The following NR3C2 variants were observed in gnomAD, a reference collection of about 807,000 sequenced individuals.
NR3C2 encodes the protein mineralocorticoid receptor.
NR3C2 carries 15 observed loss-of-function variants against 86.4 expected under a neutral mutation model. The observed-to-expected ratio is 0.17, with a 90% CI of 0.12 to 0.27. The LOEUF (loss-of-function observed/expected upper bound fraction) is 0.27, where lower values mean the gene tolerates loss of function less well. Ranked by LOEUF, NR3C2 falls within the 10% of genes least tolerant of loss-of-function variation. The pLI, the probability that NR3C2 is intolerant of heterozygous loss-of-function variation, is 1.00. For missense variants in NR3C2, 960 were observed against 1,195.6 expected (o/e 0.80, Z 2.91); for synonymous variants, 458 against 450.5 (o/e 1.02, Z -0.21).
chr4:148,384,089 C>T (rs72656876), intron 2 of NR3C2, among the ~76,000 whole-genome samples: 31 of 151,838 alleles, frequency 2.0e-4, no homozygotes, highest in African/African-American at 7.2e-4. Flanking sequence ...AAAAACAATA[C>T]ATTTTATGTA....
At chr4:148,392,591 C>G (rs1025107485) in intron 2 of NR3C2, among the ~76,000 whole-genome samples, 1 of 152,186 alleles carries the variant, frequency 6.6e-6, no homozygotes, top group South Asian at 2.1e-4. Flanking sequence ...CTCTTACTTA[C>G]TGCTCTATGA....
chr4:148,099,813 C>T (rs1048438112), intron 8 of NR3C2, among the ~76,000 whole-genome samples: 1 of 152,282 alleles, frequency 6.6e-6, no homozygotes, highest in East Asian at 1.9e-4. Flanking sequence ...GAAAAGATTC[C>T]TGTGTGTCAG....
At position 148,378,454 on chromosome 4, in the gene NR3C2, T is replaced by C. The variant is rs904351977; in HGVS notation, c.1757+56650A>G. On this transcript the variant is annotated intron_variant, in intron 2 of 8. Transcript: ENST00000358102. ...GTTCCCAGCCAAATCTCATGTTGAA[T>C]TGTAATCTCCAGTGTTGGAGGTGGG... Among the ~76,000 whole-genome samples the C allele has an allele frequency of 5.3e-5, 8 of 152,006 alleles. No homozygotes were observed. In the East Asian group the frequency reaches 9.7e-4, roughly 18 times the overall value.
intron 2 of NR3C2, among the ~76,000 whole-genome samples, chr4:148,281,740 T>C (rs1334382724): frequency 6.6e-6 from 1 of 152,238 alleles, no homozygotes; most frequent in Non-Finnish European, 1.5e-5. Flanking sequence ...CTGTGTTATG[T>C]TATGTCAACA....
chr4:148,437,971 T>G lies in NR3C2; in HGVS notation c.-2-1109A>C, dbSNP rs187072519. 2.0e-5 allele frequency among the ~76,000 whole-genome samples: 3 copies of G among 152,368 alleles called. No individual in the cohort carries two copies. The East Asian group carries it at 5.8e-4, about 29-fold the overall frequency. On this transcript the variant is annotated intron_variant, in intron 1 of 8. Coordinates refer to ENST00000358102, the MANE Select transcript of NR3C2 (RefSeq NM_000901.5). ...TATAATTCTTACCCATATAATTTAA[T>G]GCAGTATTGCAAGCTTCTTGCATAT...
At chr4:148,300,545 C>T (rs1405336116) in intron 2 of NR3C2, among the ~76,000 whole-genome samples, 3 of 148,772 alleles carry the variant, frequency 2.0e-5, no homozygotes, top group African/African-American at 7.4e-5. Context: ...AAGGTTTTTT[C>T]TCAGTCAACT....
intron 2 of NR3C2, among the ~76,000 whole-genome samples, chr4:148,364,576 G>A (rs1415792872): frequency 6.6e-6 from 1 of 152,278 alleles, no homozygotes; most frequent in East Asian, 1.9e-4. Flanking sequence ...ATATGTGTTA[G>A]GTCCTTACAA....
In NR3C2 at chr4:148,081,690, T is replaced by C. The variant is rs3733421; in HGVS notation, c.2800-191A>G. Among the ~76,000 whole-genome samples the C allele has an allele frequency of 0.52, 79,430 of 152,062 alleles. 22,145 individuals carry two copies. The highest frequency in any genetic ancestry group is 0.82 in the East Asian group (4,229 of 5,176). On this transcript the variant is annotated intron_variant, in intron 8 of 8. Transcript: ENST00000358102. ...GGGTGCTCACATCACCCATGTCATC[T>C]GCCTTTCATGGAAAACAAACAAATT...
chr4:148,270,901 CA>C (rs1740648315), intron 2 of NR3C2, among the ~76,000 whole-genome samples: 1 of 152,162 alleles, frequency 6.6e-6, no homozygotes, highest in Non-Finnish European at 1.5e-5. Flanking sequence ...TACCTGTTTT[CA>C]AATCCTGATT....
At chr4:148,144,674 T>C (rs1028421495) in intron 6 of NR3C2, among the ~76,000 whole-genome samples, 1 of 152,218 alleles carries the variant, frequency 6.6e-6, no homozygotes, top group Non-Finnish European at 1.5e-5. Context: ...TGTTTCTAGC[T>C]TATAAAACCT....
intron 3 of NR3C2, among the ~76,000 whole-genome samples, chr4:148,215,651 A>G (rs1309022119): frequency 1.3e-5 from 2 of 152,248 alleles, no homozygotes; most frequent in Non-Finnish European, 2.9e-5. Context: ...CATCAAGTGA[A>G]AAGTCTTCCT....
intron 2 of NR3C2, among the ~76,000 whole-genome samples, chr4:148,349,974 T>C (rs1745191537): frequency 6.6e-6 from 1 of 152,204 alleles, no homozygotes; most frequent in South Asian, 2.1e-4. Flanking sequence ...TGTCCTGTTA[T>C]GCAAGTGGCA....
chr4:148,259,939 G>GA (rs1740013266), intron 3 of NR3C2, 39 bp downstream of exon 3: 2 of 1,613,440 alleles, frequency 1.2e-6, no homozygotes, highest in Middle Eastern at 3.3e-4. Context: ...TACACACTAG[G>GA]AAAAAATATG....
At chr4:148,185,074 C>A (rs1728360826) in intron 4 of NR3C2, among the ~76,000 whole-genome samples, 1 of 152,216 alleles carries the variant, frequency 6.6e-6, no homozygotes, top group Non-Finnish European at 1.5e-5. Flanking sequence ...ACATTCACCA[C>A]CTCCGCCACT....
At chr4:148,289,999 C>G (rs6836246) in intron 2 of NR3C2, among the ~76,000 whole-genome samples, 150,587 of 152,234 alleles carry the variant, frequency 0.99, 74,501 homozygotes, top group East Asian at 1. Context: ...TAGACTGTGA[C>G]AGACTCCATG....
intron 3 of NR3C2, among the ~76,000 whole-genome samples, chr4:148,256,850 G>A (rs762189072): frequency 6.9e-6 from 1 of 144,618 alleles, no homozygotes; most frequent in Non-Finnish European, 1.5e-5. Flanking sequence ...TATATTAAAT[G>A]TTTAAGAAGA....
chr4:148,097,581 CTCT>C (rs1229646605), intron 8 of NR3C2, among the ~76,000 whole-genome samples: 1 of 152,172 alleles, frequency 6.6e-6, no homozygotes, highest in Admixed American at 6.5e-5. Context: ...CAGACAGGAT[CTCT>C]TGACACTAGA....
chr4:148,116,495 G>C (rs1279725225), intron 7 of NR3C2, among the ~76,000 whole-genome samples: 2 of 152,188 alleles, frequency 1.3e-5, no homozygotes, highest in African/African-American at 2.4e-5. Context: ...TGGGGTAGAA[G>C]TCTGTCTGCT....
intron 2 of NR3C2, among the ~76,000 whole-genome samples, chr4:148,363,596 T>C (rs996998742): frequency 2.7e-5 from 4 of 146,266 alleles, no homozygotes; most frequent in African/African-American, 5.1e-5. Context: ...CTCCGCCTCC[T>C]GGGTTCATGC....
Sources: gnomAD v4.1 joint callset for allele counts (sites outside exome capture counted in the v4.1 genomes callset) on GRCh38, gnomAD v4.1.1 for gene constraint, MANE v1.5 for transcripts, NCBI Gene and HGNC (gene_info 2026-07-23, HGNC 2026-07-21) for gene names.